DLGAP1: variants seen among roughly 807,000 people sequenced by gnomAD.
DLGAP1 encodes disks large-associated protein 1.
In DLGAP1, 11 loss-of-function variants were observed where a neutral mutation model predicts 90.8. That is an observed-to-expected ratio of 0.12 (90% CI 0.08 to 0.20). The LOEUF (loss-of-function observed/expected upper bound fraction) is 0.20, where lower values mean the gene tolerates loss of function less well. Among genes scored for constraint, DLGAP1 ranks in the 10% least tolerant of loss-of-function variants. The pLI is 1.00. For synonymous variants in DLGAP1, 558 were observed against 540.7 expected (o/e 1.03, Z -0.44); for missense variants, 1,050 against 1,333.8 (o/e 0.79, Z 3.31).
chr18:3,644,556 G>A (rs1187375800), intron 7 of DLGAP1, among the ~76,000 whole-genome samples: 1 of 151,926 alleles, frequency 6.6e-6, no homozygotes, highest in Non-Finnish European at 1.5e-5. Flanking sequence ...GATTACAGGC[G>A]CTCACCACCA....
intron 1 of DLGAP1, among the ~76,000 whole-genome samples, chr18:4,204,164 G>A (rs2077669320): frequency 6.6e-6 from 1 of 152,100 alleles, no homozygotes; most frequent in Non-Finnish European, 1.5e-5. Flanking sequence ...TCTTTCAACT[G>A]TCTGTACATA....
intron 1 of DLGAP1, among the ~76,000 whole-genome samples, chr18:4,381,998 T>C (rs761665673): frequency 6.6e-6 from 1 of 152,006 alleles, no homozygotes; most frequent in Non-Finnish European, 1.5e-5. Flanking sequence ...AACCGTGAGA[T>C]CTCATGAGAC....
In DLGAP1 at chr18:4,045,432, CAAAAAAAAAAAAAAAAA is replaced by C. The variant is rs763466156; in HGVS notation, c.-158-40248_-158-40232del. ...GTAACATAGAAAGACCCCATCTCTA[CAAAAAAAAAAAAAAAAA>C]AAAAAAAAAAAAAAAAGCTTGCCCC... On this transcript the variant is annotated intron_variant, in intron 2 of 12. Transcript: ENST00000315677. Among the ~76,000 whole-genome samples the C allele has an allele frequency of 8.2e-3, 241 of 29,226 alleles. 8 individuals are homozygous for C. In the South Asian group the frequency reaches 0.17, roughly 20 times the overall value. 19.2% of individuals were successfully genotyped at this position (29,226 alleles called of 152,430 possible).
chr18:4,392,581 C>T (rs2082361016), intron 1 of DLGAP1, among the ~76,000 whole-genome samples: 2 of 152,284 alleles, frequency 1.3e-5, no homozygotes, highest in African/African-American at 4.8e-5. Flanking sequence ...TAGGTCTCTT[C>T]CCTTGGCTGA....
intron 1 of DLGAP1, among the ~76,000 whole-genome samples, chr18:4,226,831 C>G (rs538915370): frequency 7.9e-5 from 12 of 151,618 alleles, no homozygotes; most frequent in Non-Finnish European, 1.5e-4. Flanking sequence ...AAACAAGTAA[C>G]AAAATCACAA....
At chr18:3,645,074 T>C (rs1405501879) in intron 7 of DLGAP1, among the ~76,000 whole-genome samples, 1 of 152,154 alleles carries the variant, frequency 6.6e-6, no homozygotes, top group Non-Finnish European at 1.5e-5. Flanking sequence ...ATTGAGTCAA[T>C]GCATTTTTCC....
At chr18:3,647,514 G>A (rs2059162815) in intron 7 of DLGAP1, among the ~76,000 whole-genome samples, 1 of 150,496 alleles carries the variant, frequency 6.6e-6, no homozygotes. Context: ...CACCCAGGCT[G>A]AAGTGTAATG....
At chr18:3,583,142 C>T (rs1208339873) in intron 7 of DLGAP1, among the ~76,000 whole-genome samples, 1 of 126,516 alleles carries the variant, frequency 7.9e-6, no homozygotes. Flanking sequence ...CCTGACTGAC[C>T]GACCTACCTA....
At chr18:3,779,179 C>T (rs1394498590) in intron 5 of DLGAP1, among the ~76,000 whole-genome samples, 1 of 152,146 alleles carries the variant, frequency 6.6e-6, no homozygotes, top group Non-Finnish European at 1.5e-5. Context: ...GTCCTGTCTC[C>T]CTGTATCTCT....
chr18:4,244,816 T>C (rs1473079617), intron 1 of DLGAP1, among the ~76,000 whole-genome samples: 1 of 152,182 alleles, frequency 6.6e-6, no homozygotes, highest in Non-Finnish European at 1.5e-5. Context: ...AAATCCAAAC[T>C]GTATGCATCT....
intron 1 of DLGAP1, among the ~76,000 whole-genome samples, chr18:4,452,711 C>A (rs1022669289): frequency 6.6e-5 from 10 of 152,090 alleles, no homozygotes; most frequent in African/African-American, 2.4e-4. Flanking sequence ...CGCTAATATG[C>A]TTTTACTGGG....
intron 1 of DLGAP1, among the ~76,000 whole-genome samples, chr18:4,163,531 A>G (rs2076882476): frequency 6.6e-6 from 1 of 152,234 alleles, no homozygotes; most frequent in African/African-American, 2.4e-5. Flanking sequence ...TAGTTCCCAC[A>G]TGGTTCACAA....
rs61510871 is a variant in DLGAP1 at position 3,765,130 on chromosome 18, C to G, written c.1173-22618G>C. Among the ~76,000 whole-genome samples the G allele has an allele frequency of 1.8e-5, 2 of 113,236 alleles. 1 individual carries two copies. The highest frequency in any genetic ancestry group is 2.1e-4 in the Admixed American group (2 of 9,330). The allele number at this position is 113,236 out of a possible 152,430, so 74.3% of individuals were successfully genotyped here. A position where few individuals can be genotyped will look rare whatever the true frequency, so the allele number is the denominator to read the frequency against. ...CACACTTGCAAACTTTTTTTTTTTT[C>G]TTTTTTTTTTTTTTTGAGACAGAGT... On this transcript the variant is annotated intron_variant, in intron 5 of 12. Coordinates refer to ENST00000315677, the MANE Select transcript of DLGAP1 (RefSeq NM_004746.4).
At chr18:3,501,339 C>T (rs1036708623) in intron 12 of DLGAP1, among the ~76,000 whole-genome samples, 2 of 151,934 alleles carry the variant, frequency 1.3e-5, no homozygotes, top group East Asian at 3.8e-4. Flanking sequence ...GCTTATCTAG[C>T]AGATAGTTTT....
chr18:3,704,120 C>T (rs1567987056), intron 7 of DLGAP1, among the ~76,000 whole-genome samples: 2 of 152,334 alleles, frequency 1.3e-5, no homozygotes, highest in East Asian at 3.9e-4. Context: ...TGCATTTCTC[C>T]ACATCCTAGC....
intron 7 of DLGAP1, among the ~76,000 whole-genome samples, chr18:3,723,374 T>C (rs1433271442): frequency 1.3e-5 from 2 of 152,226 alleles, no homozygotes; most frequent in African/African-American, 2.4e-5. Flanking sequence ...CTTGTTTTAA[T>C]AGCAATGCTA....
At chr18:4,058,754 C>A (rs577423046) in intron 2 of DLGAP1, among the ~76,000 whole-genome samples, 59 of 152,316 alleles carry the variant, frequency 3.9e-4, no homozygotes, top group African/African-American at 1.3e-3. Context: ...TGTCCATGCC[C>A]TTTTCAATAT....
In DLGAP1 at chr18:3,496,918, C is replaced by T. The variant is rs375496270; in HGVS notation, c.*2267G>A. Reference sequence around the variant, plus strand: ...AAATAGCTTATGAATATACAAATGCCGTTCACTTAGACAAGATAAATAGGC... The same window carrying T: ...AAATAGCTTATGAATATACAAATGCTGTTCACTTAGACAAGATAAATAGGC... On this transcript the variant is annotated 3_prime_UTR_variant, in exon 13 of 13. Transcript: ENST00000315677. 3.3e-5 allele frequency: 5 copies of T among 152,180 alleles called. No individual in the cohort carries two copies. Among genetic ancestry groups the T allele is most frequent in the African/African-American group, 9.7e-5 (4 of 41,440 alleles). 9.4% of individuals were successfully genotyped at this position (152,180 alleles called of 1,614,324 possible).
At chr18:4,430,246 A>G (rs956885529) in intron 1 of DLGAP1, among the ~76,000 whole-genome samples, 8 of 152,180 alleles carry the variant, frequency 5.3e-5, no homozygotes, top group Admixed American at 2.0e-4. Context: ...TAGACATGGA[A>G]GTTTAATATA....
Sources: gnomAD v4.1 joint callset for allele counts (sites outside exome capture counted in the v4.1 genomes callset) on GRCh38, gnomAD v4.1.1 for gene constraint, MANE v1.5 for transcripts, NCBI Gene and HGNC (gene_info 2026-07-23, HGNC 2026-07-21) for gene names.